EP300: variants seen among roughly 807,000 people sequenced by gnomAD.
The protein encoded by EP300 is EP300 lysine acetyltransferase, also known as histone acetyltransferase p300.
Under a neutral mutation model 264.0 loss-of-function variants are expected in EP300, and 31 were observed. The ratio of observed to expected loss-of-function variants is 0.12; its 90% CI spans 0.09 to 0.16. EP300 has a LOEUF of 0.16. EP300 is among the 10% of genes least tolerant of loss of function. The pLI, the probability that EP300 is intolerant of heterozygous loss-of-function variation, is 1.00. For synonymous variants in EP300, 1,340 were observed against 1,045.4 expected, an observed-to-expected ratio of 1.28 and a Z score of -5.44; for missense variants, 2,766 against 3,052.9, an observed-to-expected ratio of 0.91 and a Z score of 2.21.
chr22:41,111,856 TC>T (rs1398671659), intron 1 of EP300, among the ~76,000 whole-genome samples: 1 of 150,472 alleles, frequency 6.6e-6, no homozygotes, highest in African/African-American at 2.4e-5. Context: ...TCTTTTTTTT[TC>T]TTTTTTAGAA....
intron 1 of EP300, among the ~76,000 whole-genome samples, chr22:41,098,181 T>G (rs1441042884): frequency 6.6e-6 from 1 of 152,144 alleles, no homozygotes; most frequent in Non-Finnish European, 1.5e-5. Flanking sequence ...ACATTGAACT[T>G]CGCAGGTGAT....
intron 1 of EP300, among the ~76,000 whole-genome samples, chr22:41,109,268 A>AT (rs398037211): frequency 1.3e-5 from 2 of 150,594 alleles, no homozygotes; most frequent in African/African-American, 4.9e-5. Context: ...AAAAAAAAAA[A>AT]CAAAAAAAAA....
chr22:41,150,526 A>T (rs564363075), intron 14 of EP300, among the ~76,000 whole-genome samples: 1 of 152,098 alleles, frequency 6.6e-6, no homozygotes, highest in African/African-American at 2.4e-5. Context: ...GCAGCACATA[A>T]ATTTTACATA....
rs747796024 is a variant in EP300, at chr22:41,168,441, A to C, written c.3875-8A>C. On this transcript the variant is annotated splice_polypyrimidine_tract_variant and splice_region_variant and intron_variant, in intron 23 of 30. Coordinates refer to ENST00000263253, the MANE Select transcript of EP300 (RefSeq NM_001429.4). Reference sequence around the variant, plus strand: ...CACCTCAGTAACTTTTAACTTTTACATTCCTAGGGTTGCCATCTACCAGAC... The same window carrying C: ...CACCTCAGTAACTTTTAACTTTTACCTTCCTAGGGTTGCCATCTACCAGAC... 29 of 1,613,988 alleles carry C rather than the reference A, an allele frequency of 1.8e-5. No homozygotes were observed. Among genetic ancestry groups the C allele is most frequent in the Non-Finnish European group, 2.5e-5 (29 of 1,180,012 alleles).
At chr22:41,150,298 GT>G in intron 14 of EP300, 100 bp downstream of exon 14, 1 of 1,350,070 alleles carries the variant, frequency 7.4e-7, no homozygotes, top group Non-Finnish European at 1.0e-6. Flanking sequence ...ATCTCTTACT[GT>G]TTTCTCCACA....
rs558057411 is a variant in EP300 at position 41,147,886 on chromosome 22, C to T, written c.2181C>T (p.Pro727=). 53 of 1,613,988 alleles carry T rather than the reference C, an allele frequency of 3.3e-5. No homozygotes were observed. Among genetic ancestry groups the T allele is most frequent in the Non-Finnish European group, 4.2e-5 (50 of 1,180,018 alleles). ...QMSMAQPPIV[P]RQTPPLQHHG... ...GCATGGCCCAGCCCCCTATTGTACC[C>T]CGGCAAACCCCTCCTCTTCAGCACC... is the stretch of plus-strand genomic sequence containing the variant. Residue 727 remains proline, a synonymous_variant, in exon 12 of 31, where the codon CCC becomes CCT. Coordinates refer to ENST00000263253, the MANE Select transcript of EP300 (RefSeq NM_001429.4).
chr22:41,135,742 AACTTTATAGTATTT>A, intron 6 of EP300, 57 bp from the exon 7 acceptor site: 1 of 1,188,700 alleles, frequency 8.4e-7, no homozygotes, highest in Admixed American at 1.8e-5. Flanking sequence ...TTTGTTTCTT[AACTTTATAGTATTT>A]ATTGTATGGT....
rs1441073777 is a variant in EP300, at chr22:41,177,816, G to A, written c.6105G>A (p.Gln2035=). 5.0e-6 allele frequency: 8 copies of A among 1,613,946 alleles called. No homozygotes were observed. The highest frequency in any genetic ancestry group is 4.0e-5 in the African/African-American group (3 of 74,916). The change falls in exon 31 of 31, where the codon CAG becomes CAA. Residue 2035 remains glutamine (Q), a synonymous_variant. Coordinates refer to ENST00000263253, the MANE Select transcript of EP300 (RefSeq NM_001429.4). The part of the protein sequence containing the change: ...LNMAPQPGLG[Q]VGISPLKPGT... ...TGGCTCCACAACCAGGATTGGGCCAGGTAGGTATCAGCCCACTCAAACCAG... is the reference window on the plus strand; with the variant it reads ...TGGCTCCACAACCAGGATTGGGCCAAGTAGGTATCAGCCCACTCAAACCAG...
At chr22:41,100,865 C>G (rs1000957439) in intron 1 of EP300, among the ~76,000 whole-genome samples, 5 of 151,928 alleles carry the variant, frequency 3.3e-5, no homozygotes, top group African/African-American at 1.2e-4. Flanking sequence ...ATCATGACAT[C>G]TTGTATCATG....
intron 5 of EP300, 119 bp downstream of exon 5, chr22:41,130,122 T>A: frequency 1.3e-6 from 1 of 754,908 alleles, no homozygotes; most frequent in Non-Finnish European, 2.2e-6. Flanking sequence ...TGAATAAATG[T>A]TTTTTTCCCT....
At chr22:41,170,080 C>T (rs1195970106) in intron 26 of EP300, among the ~76,000 whole-genome samples, 1 of 152,164 alleles carries the variant, frequency 6.6e-6, no homozygotes, top group African/African-American at 2.4e-5. Flanking sequence ...GTCCATTTTC[C>T]TTTGCAGTGT....
At chr22:41,095,820 C>T (rs905227164) in intron 1 of EP300, among the ~76,000 whole-genome samples, 2 of 151,942 alleles carry the variant, frequency 1.3e-5, no homozygotes, top group African/African-American at 4.8e-5. Context: ...ATATATCCAC[C>T]AAGAGCGTTC....
At chr22:41,132,497 CATG>C (rs1216325911) in intron 6 of EP300, among the ~76,000 whole-genome samples, 1 of 151,868 alleles carries the variant, frequency 6.6e-6, no homozygotes. Context: ...CCATGTTGGC[CATG>C]ATGATCTCAA....
chr22:41,113,968 A>AT (rs1366579894), intron 1 of EP300, among the ~76,000 whole-genome samples: 1 of 151,738 alleles, frequency 6.6e-6, no homozygotes, highest in Admixed American at 6.6e-5. Context: ...TAAAGTGGAG[A>AT]TTTTTTTGCC....
chr22:41,147,271 A>AC (rs2059016477), intron 11 of EP300, among the ~76,000 whole-genome samples: 1 of 150,146 alleles, frequency 6.7e-6, no homozygotes, highest in Non-Finnish European at 1.5e-5. Flanking sequence ...GCGCCACTGG[A>AC]CCCCAGCCTG....
At chr22:41,146,936 A>G in intron 11 of EP300, 120 bp downstream of exon 11, 1 of 860,502 alleles carries the variant, frequency 1.2e-6, no homozygotes, top group East Asian at 2.7e-5. Flanking sequence ...CTGCCCATAG[A>G]GGAAGAGGGG....
At chr22:41,112,598 A>G (rs1368356278) in intron 1 of EP300, among the ~76,000 whole-genome samples, 4 of 152,000 alleles carry the variant, frequency 2.6e-5, no homozygotes, top group Admixed American at 2.6e-4. Context: ...TCCCAACTTG[A>G]TGATGATTTT....
At chr22:41,129,169 G>GTCC (rs2058901466) in intron 4 of EP300, among the ~76,000 whole-genome samples, 4 of 151,154 alleles carry the variant, frequency 2.6e-5, no homozygotes, top group Admixed American at 1.3e-4. Flanking sequence ...CGCCACCATG[G>GTCC]CGGCTAATTT....
Position 41,178,328 on chromosome 22 carries a change from C to T in EP300, c.6617C>T (p.Ala2206Val), listed in dbSNP as rs2145521516. 1 of 1,614,140 alleles carries T rather than the reference C, an allele frequency of 6.2e-7. No individual in the cohort carries two copies. Among genetic ancestry groups the T allele is most frequent in the Non-Finnish European group, 8.5e-7 (1 of 1,180,016 alleles). The stretch of plus-strand genomic sequence containing the variant: ...GGGCCAGGAATAGGCCCTGGAATGG[C>T]CAACCATAACCAGTTCCAGCAACCC... ...GAGPGIGPGM[A>V]NHNQFQQPQG... The change falls in exon 31 of 31, where the codon GCC becomes GTC. Residue 2206 changes from alanine to valine, a missense_variant. Physicochemically the swap from Ala to Val is moderately conservative, Grantham distance 64 (BLOSUM62 0). Transcript: ENST00000263253.
Sources: gnomAD v4.1 joint callset for allele counts (sites outside exome capture counted in the v4.1 genomes callset) on GRCh38, gnomAD v4.1.1 for gene constraint, MANE v1.5 for transcripts, NCBI Gene and HGNC (gene_info 2026-07-23, HGNC 2026-07-21) for gene names.